COL24A1: variants seen among roughly 807,000 people sequenced by gnomAD.
COL24A1 encodes collagen type XXIV alpha 1 chain, also known as collagen alpha-1(XXIV) chain.
In COL24A1, 224 loss-of-function variants were observed where a neutral mutation model predicts 253.9. The observed-to-expected ratio is 0.88, with a 90% confidence interval of 0.79 to 0.99. COL24A1 has a LOEUF of 0.99. COL24A1 is among the 50% of genes least tolerant of loss of function. The probability of loss-of-function intolerance (pLI) is 0.00; values close to 1 mark genes in which losing one functional copy is unlikely to be tolerated. For synonymous variants in COL24A1, 685 were observed against 673.7 expected (o/e 1.02, Z -0.26); for missense variants, 2,131 against 2,068.5 (o/e 1.03, Z -0.59).
chr1:85,772,714 GTTGT>G (rs1053948010), intron 53 of COL24A1, among the ~76,000 whole-genome samples: 189 of 152,138 alleles, frequency 1.2e-3, no homozygotes, highest in Admixed American at 1.3e-3. Context: ...TTTTGATGGG[GTTGT>G]TTGTTTTTTC....
chr1:85,945,018 T>TTTTTTG lies in COL24A1; in HGVS notation c.2562+16230_2562+16231insCAAAAA, dbSNP rs1558752569. On this transcript the variant is annotated intron_variant, in intron 24 of 59. Transcript: ENST00000370571. ...TATCATTGTGTTTTTTTTTTTTTTT[T>TTTTTTG]TTTTTTTTTTTTTTTTTGAGACAGA... Among the ~76,000 whole-genome samples, 316 of 86,832 alleles carry TTTTTTG rather than the reference T, an allele frequency of 3.6e-3. 16 individuals carry two copies. Among genetic ancestry groups the TTTTTTG allele is most frequent in the African/African-American group, 9.7e-3 (226 of 23,228 alleles). The allele number at this position is 86,832 out of a possible 152,430, so 57.0% of individuals were successfully genotyped here. A position where few individuals can be genotyped will look rare whatever the true frequency, so the allele number is the denominator to read the frequency against.
intron 2 of COL24A1, among the ~76,000 whole-genome samples, chr1:86,131,965 T>G (rs544729056): frequency 3.4e-4 from 52 of 152,320 alleles, no homozygotes; most frequent in African/African-American, 1.2e-3. Context: ...TGAACTAGTT[T>G]ACAGTCCCAC....
At chr1:86,107,042 C>T (rs1405930786) in intron 5 of COL24A1, among the ~76,000 whole-genome samples, 3 of 152,126 alleles carry the variant, frequency 2.0e-5, no homozygotes, top group African/African-American at 2.4e-5. Flanking sequence ...GGAATATAAC[C>T]ACTTTGTTAC....
chr1:85,965,252 T>C (rs1289837430), intron 22 of COL24A1, among the ~76,000 whole-genome samples, 190 bp from the exon 23 acceptor site: 1 of 152,052 alleles, frequency 6.6e-6, no homozygotes, highest in Admixed American at 6.6e-5. Context: ...CTATGTGCCA[T>C]GAACGGTTCT....
intron 6 of COL24A1, 51 bp from the exon 7 acceptor site, chr1:86,089,278 G>T (rs1703312637): frequency 1.4e-6 from 2 of 1,390,410 alleles, no homozygotes; most frequent in Admixed American, 2.4e-5. Context: ...CTGAAAATTA[G>T]AATTCTCTTG....
chr1:85,960,515 A>T (rs537982504), intron 24 of COL24A1, among the ~76,000 whole-genome samples: 1 of 152,264 alleles, frequency 6.6e-6, no homozygotes, highest in African/African-American at 2.4e-5. Context: ...CTCTTAATTT[A>T]CCTCAACTTT....
intron 28 of COL24A1, among the ~76,000 whole-genome samples, chr1:85,902,033 T>C (rs1329981998): frequency 6.6e-6 from 1 of 152,038 alleles, no homozygotes; most frequent in African/African-American, 2.4e-5. Flanking sequence ...ATGTACACAA[T>C]GGAATAATTT....
intron 43 of COL24A1, among the ~76,000 whole-genome samples, chr1:85,834,278 C>T (rs1352057701): frequency 6.6e-6 from 1 of 150,830 alleles, no homozygotes; most frequent in African/African-American, 2.5e-5. Context: ...TTCATAGAGA[C>T]AGAGTGAGTG....
rs1205737465 is a variant in COL24A1, at chr1:86,019,001, T to C, written c.2257-1797A>G. ...ACAACTTAGATCTACTTGGAAACAATATTAGTTAGTAACACCAACCTCTTA... is the reference window on the plus strand; with the variant it reads ...ACAACTTAGATCTACTTGGAAACAACATTAGTTAGTAACACCAACCTCTTA... On this transcript the variant is annotated intron_variant, in intron 18 of 59. Transcript: ENST00000370571. Among the ~76,000 whole-genome samples the C allele has an allele frequency of 2.0e-5, 3 of 152,198 alleles. No homozygotes were observed. The East Asian group carries it at 5.8e-4, about 29-fold the overall frequency.
chr1:85,740,707 A>G (rs1365646523), intron 57 of COL24A1, among the ~76,000 whole-genome samples: 1 of 151,810 alleles, frequency 6.6e-6, no homozygotes, highest in Non-Finnish European at 1.5e-5. Context: ...GTTGGCCTGA[A>G]GTGATCTGTC....
intron 18 of COL24A1, among the ~76,000 whole-genome samples, chr1:86,018,601 A>G (rs557886337): frequency 4.3e-4 from 66 of 152,362 alleles, no homozygotes; most frequent in African/African-American, 1.4e-3. Flanking sequence ...TCACATATTT[A>G]AAAACAGAAA....
At chr1:85,916,172 T>C (rs571475481) in intron 24 of COL24A1, among the ~76,000 whole-genome samples, 74 of 152,254 alleles carry the variant, frequency 4.9e-4, no homozygotes, top group South Asian at 3.7e-3. Context: ...CAAAGGCAAA[T>C]ATTGGACAGA....
Position 86,082,230 on chromosome 1 carries a change from A to AT in COL24A1, c.1707+6943dup, listed in dbSNP as rs1444279023. On this transcript the variant is annotated intron_variant, in intron 7 of 59. Coordinates refer to ENST00000370571, the MANE Select transcript of COL24A1 (RefSeq NM_152890.7). ...TGTAGTACCTCTCTACTACATAATA[A>AT]TATACTCTACATGCTTTAACATGGC... is the stretch of plus-strand genomic sequence containing the variant. Among the ~76,000 whole-genome samples, 3 of 152,148 alleles carry AT rather than the reference A, an allele frequency of 2.0e-5. No individual in the cohort carries two copies. In the East Asian group the frequency reaches 5.8e-4, roughly 29 times the overall value.
intron 37 of COL24A1, among the ~76,000 whole-genome samples, chr1:85,855,992 T>C (rs1329962584): frequency 4.6e-5 from 7 of 152,226 alleles, no homozygotes; most frequent in Non-Finnish European, 1.0e-4. Context: ...GAGGTGTTCA[T>C]AATAGTCTCT....
chr1:86,110,687 C>T (rs1416113837), intron 5 of COL24A1, among the ~76,000 whole-genome samples: 1 of 152,152 alleles, frequency 6.6e-6, no homozygotes, highest in African/African-American at 2.4e-5. Context: ...AGCACCCAGG[C>T]CAGCAGCTAC....
intron 5 of COL24A1, among the ~76,000 whole-genome samples, chr1:86,108,269 T>A (rs1705188791): frequency 6.6e-6 from 1 of 152,202 alleles, no homozygotes; most frequent in East Asian, 1.9e-4. Flanking sequence ...GGGCTGGATC[T>A]CTATTACAAT....
intron 43 of COL24A1, among the ~76,000 whole-genome samples, chr1:85,830,725 G>T (rs1675130447): frequency 6.6e-6 from 1 of 152,138 alleles, no homozygotes; most frequent in African/African-American, 2.4e-5. Context: ...CTAGGAAAGG[G>T]AACTCCCTGA....
At chr1:85,948,025 C>T (rs553817613) in intron 24 of COL24A1, among the ~76,000 whole-genome samples, 19 of 152,196 alleles carry the variant, frequency 1.2e-4, no homozygotes, top group African/African-American at 4.6e-4. Flanking sequence ...CCATCACTTT[C>T]TGTACTGTTA....
intron 32 of COL24A1, among the ~76,000 whole-genome samples, chr1:85,880,622 A>G (rs1681723751): frequency 6.6e-6 from 1 of 152,158 alleles, no homozygotes; most frequent in South Asian, 2.1e-4. Context: ...AAAGAAAAGT[A>G]TCTAGTTTTC....
Sources: gnomAD v4.1 joint callset for allele counts (sites outside exome capture counted in the v4.1 genomes callset) on GRCh38, gnomAD v4.1.1 for gene constraint, MANE v1.5 for transcripts, NCBI Gene and HGNC (gene_info 2026-07-23, HGNC 2026-07-21) for gene names.